Variants in KRT73 observed in about 807,000 individuals in gnomAD.
KRT73 encodes the protein keratin 73, also known as keratin, type II cytoskeletal 73.
A neutral mutation model predicts 47.2 loss-of-function variants in KRT73; 44 were observed. That is an observed-to-expected ratio of 0.93 (90% CI 0.73 to 1.20). The LOEUF is 1.20. Ranked by LOEUF, KRT73 falls within the 50% of genes most tolerant of loss-of-function variation. The pLI, the probability that KRT73 is intolerant of heterozygous loss-of-function variation, is 0.00. For missense variants in KRT73, 713 were observed against 704.5 expected (o/e 1.01, Z -0.14); for synonymous variants, 285 against 291.3 (o/e 0.98, Z 0.22).
At chr12:52,615,599 C>T (rs1940799061) in intron 2 of KRT73, among the ~76,000 whole-genome samples, 2 of 152,082 alleles carry the variant, frequency 1.3e-5, no homozygotes, top group African/African-American at 4.8e-5. Context: ...TCTTCCTCTT[C>T]CCACTCAGTA....
chr12:52,617,231 C>T (rs377339480), intron 1 of KRT73, among the ~76,000 whole-genome samples: 103 of 152,314 alleles, frequency 6.8e-4, no homozygotes, highest in African/African-American at 2.2e-3. Context: ...ACTGTCGCTC[C>T]GGGTGAGCTT....
the KRT73 span, among the ~76,000 whole-genome samples, chr12:52,623,563 ATAAGT>A: frequency 1.3e-5 from 2 of 152,222 alleles, no homozygotes; most frequent in African/African-American, 4.8e-5. Flanking sequence ...TTTTTAAAAA[ATAAGT>A]TAATACAATA....
In KRT73 at chr12:52,618,514, T is replaced by G. The variant is rs764547323; in HGVS notation, c.11A>C (p.Gln4Pro). 3 of 1,599,642 alleles carry G rather than the reference T, an allele frequency of 1.9e-6. No individual in the cohort carries two copies. The highest frequency in any genetic ancestry group is 2.6e-6 in the Non-Finnish European group (3 of 1,172,226). The stretch of plus-strand genomic sequence containing the variant: ...AGCAGCTCCCGACTTGTAGGTGAAT[T>G]GGCGGCTCATGGTGGGGAGGCCAGA... MSRQFTYKSGAAAK... is the reference protein window; with the variant it reads MSRPFTYKSGAAAK... Residue 4 changes from glutamine (Q) to proline (P), a missense_variant, in exon 1 of 9, where the codon CAA becomes CCA. Gln to Pro is a moderately conservative substitution (Grantham distance 76). Coordinates refer to ENST00000305748, the MANE Select transcript of KRT73 (RefSeq NM_175068.3).
chr12:52,610,800 C>G lies in KRT73; in HGVS notation c.1146G>C (p.Glu382Asp), dbSNP rs1171231079. 1 of 1,613,316 alleles carries G rather than the reference C, an allele frequency of 6.2e-7. No individual in the cohort carries two copies. The highest frequency in any genetic ancestry group is 1.1e-5 in the South Asian group (1 of 91,056). ...CCTTGAGGGCACAGTCCCCCCGCTG[C>G]TCGGCGTCAGCGATGGCCGTCTCCA... ...ANLETAIADA[E>D]QRGDCALKDA... The change falls in exon 7 of 9, where the codon GAG (glutamate) becomes GAC (aspartate). Residue 382 changes from glutamate (E) to aspartate (D), a missense_variant. Physicochemically the swap from Glu to Asp is conservative, Grantham distance 45 (BLOSUM62 2). Coordinates refer to ENST00000305748, the MANE Select transcript of KRT73 (RefSeq NM_175068.3).
At position 52,611,767 on chromosome 12, in the gene KRT73, G is replaced by A. The variant is rs562094603; in HGVS notation, c.985-438C>T. 7.2e-5 allele frequency among the ~76,000 whole-genome samples: 11 copies of A among 152,170 alleles called. 1 individual carries two copies. The East Asian group carries it at 1.5e-3, about 21-fold the overall frequency. Reference sequence around the variant, plus strand: ...CCCCAGATGTCCCACGTGTTCTTTTGTCTCTGAGTCTTTGCCTGAGCCTCT... The same window carrying A: ...CCCCAGATGTCCCACGTGTTCTTTTATCTCTGAGTCTTTGCCTGAGCCTCT... On this transcript the variant is annotated intron_variant, in intron 5 of 8. Transcript: ENST00000305748.
chr12:52,627,873 A>C, the KRT73 span, among the ~76,000 whole-genome samples: 10 of 152,016 alleles, frequency 6.6e-5, no homozygotes, highest in Non-Finnish European at 1.5e-4. Flanking sequence ...GTCAGCACAG[A>C]CAGCCAAGCA....
rs138418112 is a variant in KRT73 at position 52,613,823 on chromosome 12, G to A, written c.849C>T (p.Ser283=). Reference sequence around the variant, plus strand: ...CCATGGACAGGATGATGGACGTGTCGCTGATGTGGGACTGGATCTGAGCAG... The same window carrying A: ...CCATGGACAGGATGATGGACGTGTCACTGATGTGGGACTGGATCTGAGCAG... The part of the protein sequence containing the change: ...GETAQIQSHI[S]DTSIILSMDN... The change falls in exon 5 of 9, where the codon AGC becomes AGT. Residue 283 remains serine, a synonymous_variant. Transcript: ENST00000305748. The A allele has an allele frequency of 3.9e-5, 63 of 1,614,114 alleles. No individual in the cohort carries two copies. The highest frequency in any genetic ancestry group is 3.4e-4 in the South Asian group (31 of 91,064).
chr12:52,627,496 C>A, the KRT73 span, among the ~76,000 whole-genome samples: 3 of 152,158 alleles, frequency 2.0e-5, no homozygotes, highest in African/African-American at 4.8e-5. Context: ...ACAAGACCTG[C>A]CTTCCAATAC....
At chr12:52,612,414 G>C (rs1025085797) in intron 5 of KRT73, 6 of 152,218 alleles carry the variant, frequency 3.9e-5, no homozygotes, top group African/African-American at 1.4e-4. Context: ...TCAGCACTCT[G>C]GTGTACTGCT....
chr12:52,618,468 G>A lies in KRT73; in HGVS notation c.57C>T (p.Gly19=), dbSNP rs1940857828. ...TGCCCCCTGAGAGCACAGCGGAGCA[G>A]CCGCTGAAGCCCCCCTTGGCAGCAG... ...SGAAAKGGFS[G]CSAVLSGGSS... Residue 19 remains glycine, a synonymous_variant, in exon 1 of 9, where the codon GGC becomes GGT. Coordinates refer to ENST00000305748, the MANE Select transcript of KRT73 (RefSeq NM_175068.3). The A allele has an allele frequency of 6.2e-7, 1 of 1,612,938 alleles. No individual in the cohort carries two copies. Among genetic ancestry groups the A allele is most frequent in the Non-Finnish European group, 8.5e-7 (1 of 1,179,442 alleles).
rs901025840 is a variant in KRT73 at position 52,608,148 on chromosome 12, G to A, written c.*48C>T. ...GAATTTCCTAGAAGAGTCCGGAGCA[G>A]TCTGCCAGGGCAAGGCAGACTACTG... On this transcript the variant is annotated 3_prime_UTR_variant, in exon 9 of 9. Coordinates refer to ENST00000305748, the MANE Select transcript of KRT73 (RefSeq NM_175068.3). 6.4e-7 allele frequency: 1 copy of A among 1,563,374 alleles called. No homozygotes were observed. The highest frequency in any genetic ancestry group is 8.7e-7 in the Non-Finnish European group (1 of 1,152,826).
chr12:52,621,660 C>T (rs183799255), upstream of KRT73, among the ~76,000 whole-genome samples: 1 of 152,282 alleles, frequency 6.6e-6, no homozygotes, highest in East Asian at 1.9e-4. Context: ...AGGAAAGGGG[C>T]AGCCTAGCAA....
At chr12:52,609,783 G>A (rs1414779143) in intron 7 of KRT73, 1 of 153,924 alleles carries the variant, frequency 6.5e-6, no homozygotes, top group Admixed American at 6.4e-5. Flanking sequence ...TGTACTGTTA[G>A]ATATTTAGTA....
chr12:52,616,801 G>T (rs597520), intron 1 of KRT73, among the ~76,000 whole-genome samples: 124,167 of 152,094 alleles, frequency 0.82, 51,603 homozygotes, highest in East Asian at 0.99. Flanking sequence ...GCTCTGCCTA[G>T]TCTCTCCCTC....
chr12:52,608,852 GT>G (rs1319597543), intron 8 of KRT73, among the ~76,000 whole-genome samples: 3 of 152,210 alleles, frequency 2.0e-5, no homozygotes, highest in Admixed American at 2.0e-4. Flanking sequence ...GCCAAACCCT[GT>G]GGGGCCAGCA....
chr12:52,621,783 C>T (rs1303348351), upstream of KRT73, among the ~76,000 whole-genome samples: 1 of 152,280 alleles, frequency 6.6e-6, no homozygotes, highest in African/African-American at 2.4e-5. Context: ...TAGACCTTCA[C>T]ACTCACCAGG....
chr12:52,615,214 G>T, intron 3 of KRT73, 65 bp downstream of exon 3: 1 of 1,397,886 alleles, frequency 7.2e-7, no homozygotes, highest in Non-Finnish European at 1.0e-6. Flanking sequence ...GACCTCAGCT[G>T]CTCCTCTCTC....
chr12:52,623,722 A>T, the KRT73 span, among the ~76,000 whole-genome samples: 3 of 152,212 alleles, frequency 2.0e-5, no homozygotes, highest in Admixed American at 2.0e-4. Context: ...AGGAATATAA[A>T]GAGGTAAGGA....
chr12:52,608,580 A>G, intron 8 of KRT73, 128 bp from the exon 9 acceptor site: 2 of 824,336 alleles, frequency 2.4e-6, no homozygotes, highest in Non-Finnish European at 1.8e-6. Flanking sequence ...CCCATCAACC[A>G]TGAACTTGGG....
Sources: allele counts gnomAD v4.1 joint callset (sites outside exome capture counted in the v4.1 genomes callset), GRCh38; gene constraint gnomAD v4.1.1; transcripts MANE v1.5; gene names NCBI Gene and HGNC (gene_info 2026-07-23, HGNC 2026-07-21).